UNC5D: variants seen among roughly 807,000 people sequenced by gnomAD.
UNC5D encodes the protein unc-5 netrin receptor D, also known as netrin receptor UNC5D.
A neutral mutation model predicts 105.4 loss-of-function variants in UNC5D; 39 were observed. The observed-to-expected ratio is 0.37, with a 90% confidence interval of 0.29 to 0.48. The LOEUF (loss-of-function observed/expected upper bound fraction) is 0.48. UNC5D is among the 20% of genes least tolerant of loss of function. UNC5D has a pLI of 0.98. For synonymous variants in UNC5D, 452 were observed against 450.4 expected, an observed-to-expected ratio of 1.00 and a Z score of -0.04; for missense variants, 991 against 1,202.4, an observed-to-expected ratio of 0.82 and a Z score of 2.60.
rs555400029 is a variant in UNC5D at position 35,296,171 on chromosome 8, T to A, written c.103+60284T>A. On this transcript the variant is annotated intron_variant, in intron 1 of 16. Transcript: ENST00000404895. ...AGTTATTCCTTTTGTTTCCTTCAGATAAACAGAACAGGAATTGCTGGTTAC... is the reference window on the plus strand; with the variant it reads ...AGTTATTCCTTTTGTTTCCTTCAGAAAAACAGAACAGGAATTGCTGGTTAC... 2.0e-5 allele frequency among the ~76,000 whole-genome samples: 3 copies of A among 152,360 alleles called. No homozygotes were observed. In the South Asian group the frequency reaches 6.2e-4, roughly 32 times the overall value.
intron 11 of UNC5D, among the ~76,000 whole-genome samples, chr8:35,748,050 G>A (rs1238770988): frequency 6.6e-6 from 1 of 152,116 alleles, no homozygotes; most frequent in African/African-American, 2.4e-5. Flanking sequence ...TCAAAATACT[G>A]TTTTGCTTCA....
rs35939640 is a variant in UNC5D, at chr8:35,384,218, CA to C, written c.103+148343del. Among the ~76,000 whole-genome samples the C allele has an allele frequency of 4.0e-4, 43 of 108,716 alleles. 1 individual carries two copies. Among genetic ancestry groups the C allele is most frequent in the Admixed American group, 7.5e-4 (8 of 10,602 alleles). 71.3% of individuals were successfully genotyped at this position (108,716 alleles called of 152,430 possible). A position where few individuals can be genotyped will look rare whatever the true frequency, so the allele number is the denominator to read the frequency against. ...TGGGTGACAGAGCAAGACTCCATTTCAAAAAAAAAAAACAAAAAAAAACTAA... is the reference window on the plus strand; with the variant it reads ...TGGGTGACAGAGCAAGACTCCATTTCAAAAAAAAAAACAAAAAAAAACTAA... On this transcript the variant is annotated intron_variant, in intron 1 of 16. Transcript: ENST00000404895.
At chr8:35,340,324 G>A (rs529265607) in intron 1 of UNC5D, among the ~76,000 whole-genome samples, 8 of 152,202 alleles carry the variant, frequency 5.3e-5, no homozygotes, top group Non-Finnish European at 8.8e-5. Flanking sequence ...CATCCAGTAC[G>A]GACTCAGGGA....
intron 1 of UNC5D, among the ~76,000 whole-genome samples, chr8:35,474,635 C>T (rs962204237): frequency 1.3e-5 from 2 of 152,084 alleles, no homozygotes; most frequent in African/African-American, 2.4e-5. Context: ...CCTTGGAGGC[C>T]CCCTGTGGCG....
intron 1 of UNC5D, among the ~76,000 whole-genome samples, chr8:35,390,212 G>C (rs1803684274): frequency 6.6e-6 from 1 of 152,172 alleles, no homozygotes; most frequent in African/African-American, 2.4e-5. Context: ...ACAATACCAA[G>C]AGGGATGGTG....
chr8:35,669,739 T>G (rs1824655523), intron 4 of UNC5D, among the ~76,000 whole-genome samples: 1 of 152,100 alleles, frequency 6.6e-6, no homozygotes, highest in South Asian at 2.1e-4. Flanking sequence ...TCAGTGAATC[T>G]CTATTTCTCA....
intron 1 of UNC5D, among the ~76,000 whole-genome samples, chr8:35,453,084 C>A (rs548075428): frequency 2.9e-4 from 44 of 152,170 alleles, no homozygotes; most frequent in Middle Eastern, 3.4e-3. Context: ...ATACCCACAG[C>A]CTCTTTTTTG....
chr8:35,707,699 T>C (rs1382756067), intron 8 of UNC5D, among the ~76,000 whole-genome samples: 1 of 152,152 alleles, frequency 6.6e-6, no homozygotes, highest in East Asian at 1.9e-4. Context: ...CATGTATGTG[T>C]TTTTAAAATT....
chr8:35,546,381 T>C (rs1815679833), intron 1 of UNC5D, among the ~76,000 whole-genome samples: 1 of 152,228 alleles, frequency 6.6e-6, no homozygotes, highest in African/African-American at 2.4e-5. Context: ...GTGAGTTGAA[T>C]GGTTAAAACT....
chr8:35,590,590 A>T (rs1432712052), intron 3 of UNC5D, among the ~76,000 whole-genome samples: 1 of 152,148 alleles, frequency 6.6e-6, no homozygotes, highest in African/African-American at 2.4e-5. Context: ...TTTATGACAA[A>T]GCTACCCCAT....
At chr8:35,571,644 T>C (rs1190286305) in intron 3 of UNC5D, among the ~76,000 whole-genome samples, 1 of 152,204 alleles carries the variant, frequency 6.6e-6, no homozygotes, top group African/African-American at 2.4e-5. Flanking sequence ...TTTCATTCTA[T>C]ATGGGGATGA....
chr8:35,755,531 A>G (rs7841232), intron 13 of UNC5D, among the ~76,000 whole-genome samples: 11,356 of 151,966 alleles, frequency 0.075, 1,154 homozygotes, highest in African/African-American at 0.23. Context: ...AAATATGTAA[A>G]TTTAGCCTGC....
intron 1 of UNC5D, chr8:35,255,174 T>C (rs138904274): frequency 6.6e-6 from 1 of 152,280 alleles, no homozygotes; most frequent in Non-Finnish European, 1.5e-5. Context: ...AAACTAACAC[T>C]CTAGCGTTGC....
intron 4 of UNC5D, among the ~76,000 whole-genome samples, chr8:35,619,544 G>T (rs1222317580): frequency 6.6e-6 from 1 of 152,176 alleles, no homozygotes; most frequent in Non-Finnish European, 1.5e-5. Flanking sequence ...TGAGCGACTT[G>T]CTTCTCAAGC....
At chr8:35,275,556 C>A (rs1324887742) in intron 1 of UNC5D, among the ~76,000 whole-genome samples, 1 of 152,100 alleles carries the variant, frequency 6.6e-6, no homozygotes, top group Non-Finnish European at 1.5e-5. Context: ...CATTTCAGCT[C>A]CATGAAGTTA....
intron 1 of UNC5D, among the ~76,000 whole-genome samples, chr8:35,304,686 T>C (rs1448619055): frequency 6.6e-6 from 1 of 152,150 alleles, no homozygotes; most frequent in African/African-American, 2.4e-5. Context: ...GCCAGTGTTA[T>C]GTTTTTCTCT....
At chr8:35,776,351 T>C (rs183349650) in intron 16 of UNC5D, among the ~76,000 whole-genome samples, 87 of 152,372 alleles carry the variant, frequency 5.7e-4, no homozygotes, top group African/African-American at 2.0e-3. Flanking sequence ...ATAGATGCTG[T>C]AATTAATTTG....
At chr8:35,618,850 A>G (rs994836523) in intron 4 of UNC5D, among the ~76,000 whole-genome samples, 1 of 152,174 alleles carries the variant, frequency 6.6e-6, no homozygotes, top group Non-Finnish European at 1.5e-5. Flanking sequence ...GTAAGGAAAT[A>G]GACATTATGG....
chr8:35,322,338 T>G (rs954726022), intron 1 of UNC5D, among the ~76,000 whole-genome samples: 2 of 142,534 alleles, frequency 1.4e-5, no homozygotes, highest in Admixed American at 1.4e-4. Context: ...TTCTCCCCCC[T>G]TTTTTTTTTC....
Sources: allele counts gnomAD v4.1 joint callset (sites outside exome capture counted in the v4.1 genomes callset), GRCh38; gene constraint gnomAD v4.1.1; transcripts MANE v1.5; gene names NCBI Gene and HGNC (gene_info 2026-07-23, HGNC 2026-07-21).